Variants in MAPK10 observed in about 807,000 individuals in gnomAD.
MAPK10 encodes the protein mitogen-activated protein kinase 10, also known as JNK3 alpha protein kinase.
In MAPK10, 25 loss-of-function variants were observed where a neutral mutation model predicts 59.3. The observed-to-expected ratio is 0.42, with a 90% confidence interval of 0.31 to 0.59. The LOEUF (loss-of-function observed/expected upper bound fraction) is 0.59. Ranked by LOEUF, MAPK10 falls within the 20% of genes least tolerant of loss-of-function variation. The pLI, the probability that MAPK10 is intolerant of heterozygous loss-of-function variation, is 0.15. For synonymous variants in MAPK10, 190 were observed against 200.5 expected (o/e 0.95, Z 0.44); for missense variants, 351 against 568.9 (o/e 0.62, Z 3.90).
intron 2 of MAPK10, among the ~76,000 whole-genome samples, chr4:86,255,307 C>G (rs1036402663): frequency 6.6e-6 from 1 of 152,058 alleles, no homozygotes; most frequent in African/African-American, 2.4e-5. Context: ...ATGTATATCC[C>G]TGTGTCAATG....
At position 86,179,895 on chromosome 4, in the gene MAPK10, C is replaced by T. The variant is rs528756863; in HGVS notation, c.66+14441G>A. On this transcript the variant is annotated intron_variant, in intron 3 of 13. Coordinates refer to ENST00000641462, the MANE Select transcript of MAPK10 (RefSeq NM_138982.4). ...AAACTATAAAACTACTAGAAGAAGA[C>T]ATAGGGAATATGCTTTGGAACACTG... 9.0e-4 allele frequency among the ~76,000 whole-genome samples: 137 copies of T among 151,908 alleles called. 4 individuals are homozygous for T. In the South Asian group the frequency reaches 0.028, roughly 31 times the overall value.
rs547338147 is a variant in MAPK10 at position 86,018,012 on chromosome 4, C to T, written c.1253-642G>A. 5.3e-4 allele frequency among the ~76,000 whole-genome samples: 80 copies of T among 152,346 alleles called. 2 individuals are homozygous for T. Among genetic ancestry groups the T allele is most frequent in the African/African-American group, 1.6e-3 (65 of 41,588 alleles). ...CTGGGATTACAGGCGTGAGCCACCA[C>T]GCCCCGCGGGCATTTGCATTTTTTA... is the stretch of plus-strand genomic sequence containing the variant. On this transcript the variant is annotated intron_variant, in intron 13 of 13. Coordinates refer to ENST00000641462, the MANE Select transcript of MAPK10 (RefSeq NM_138982.4).
upstream of MAPK10, among the ~76,000 whole-genome samples, chr4:86,456,045 C>T (rs531785533): frequency 6.6e-6 from 1 of 152,286 alleles, no homozygotes; most frequent in East Asian, 1.9e-4. Flanking sequence ...AAATAACCTG[C>T]TCCTGTATGA....
At chr4:86,561,737 A>C (rs1473283046) in intron 1 of MAPK10, among the ~76,000 whole-genome samples, 1 of 152,224 alleles carries the variant, frequency 6.6e-6, no homozygotes, top group African/African-American at 2.4e-5. Context: ...TTATTTATTC[A>C]TTATAAAACA....
At chr4:86,415,150 A>C (rs899188053) in intron 1 of MAPK10, among the ~76,000 whole-genome samples, 14 of 151,868 alleles carry the variant, frequency 9.2e-5, no homozygotes, top group African/African-American at 3.1e-4. Context: ...AAAAAAAAAA[A>C]AAAAAACTTC....
At chr4:86,421,586 G>A (rs1207834589) in intron 1 of MAPK10, among the ~76,000 whole-genome samples, 1 of 152,156 alleles carries the variant, frequency 6.6e-6, no homozygotes, top group East Asian at 1.9e-4. Context: ...GCCAGCTCGA[G>A]AATGGGTGGC....
intron 1 of MAPK10, among the ~76,000 whole-genome samples, chr4:86,518,665 G>T (rs1756892738): frequency 6.7e-6 from 1 of 148,274 alleles, no homozygotes. Context: ...GCTTGGGTTT[G>T]GTTTGTTCTT....
chr4:86,101,531 A>G, intron 7 of MAPK10: 2 of 373,322 alleles, frequency 5.4e-6, no homozygotes, highest in African/African-American at 2.0e-5. Flanking sequence ...TTCAACATAT[A>G]TATCATTTCT....
At chr4:86,168,526 C>T (rs1184644698) in intron 3 of MAPK10, among the ~76,000 whole-genome samples, 3 of 152,244 alleles carry the variant, frequency 2.0e-5, no homozygotes, top group Non-Finnish European at 2.9e-5. Context: ...CCCGCCATTG[C>T]CCAGGCTTGC....
At chr4:86,118,077 T>G (rs978101932) in intron 4 of MAPK10, 1 of 152,186 alleles carries the variant, frequency 6.6e-6, no homozygotes, top group African/African-American at 2.4e-5. Flanking sequence ...TTTACAGCAT[T>G]TAATCTCTGC....
intron 2 of MAPK10, among the ~76,000 whole-genome samples, chr4:86,197,009 G>C (rs1237041434): frequency 6.6e-6 from 1 of 152,080 alleles, no homozygotes; most frequent in Non-Finnish European, 1.5e-5. Context: ...CTCCAGCATT[G>C]TTCTTTTTGC....
intron 3 of MAPK10, 160 bp downstream of exon 3, chr4:86,194,176 G>A: frequency 1.6e-6 from 1 of 625,970 alleles, no homozygotes; most frequent in Non-Finnish European, 2.8e-6. Flanking sequence ...GCTGGAGACT[G>A]GGGCTGTTTC....
At position 86,158,791 on chromosome 4, in the gene MAPK10, T is replaced by C. The variant is rs556675585; in HGVS notation, c.236+507A>G. ...AGAATTGTTACTAAGCAGCCCAGAA[T>C]CTTTCCATTTTGGAAACATGAGGCA... is the stretch of plus-strand genomic sequence containing the variant. On this transcript the variant is annotated intron_variant, in intron 4 of 13. Coordinates refer to ENST00000641462, the MANE Select transcript of MAPK10 (RefSeq NM_138982.4). Among the ~76,000 whole-genome samples, 15 of 152,076 alleles carry C rather than the reference T, an allele frequency of 9.9e-5. No individual in the cohort carries two copies. In the East Asian group the frequency reaches 1.9e-3, roughly 20 times the overall value.
In MAPK10 at chr4:86,147,152, T is replaced by C. The variant is rs537149235; in HGVS notation, c.236+12146A>G. On this transcript the variant is annotated intron_variant, in intron 4 of 13. Coordinates refer to ENST00000641462, the MANE Select transcript of MAPK10 (RefSeq NM_138982.4). Reference sequence around the variant, plus strand: ...GCCAGGCTGGAGTGCAGTAGCATGATCATGGCTCACTGCAACCTCCGCCTC... The same window carrying C: ...GCCAGGCTGGAGTGCAGTAGCATGACCATGGCTCACTGCAACCTCCGCCTC... Among the ~76,000 whole-genome samples, 20 of 152,212 alleles carry C rather than the reference T, an allele frequency of 1.3e-4. No individual in the cohort carries two copies. The South Asian group carries it at 1.5e-3, about 11-fold the overall frequency.
intron 2 of MAPK10, among the ~76,000 whole-genome samples, chr4:86,216,135 T>G (rs1242613053): frequency 1.3e-5 from 2 of 151,728 alleles, no homozygotes; most frequent in Non-Finnish European, 2.9e-5. Flanking sequence ...CCAAAAGAAT[T>G]GAAAGCAGGG....
intron 1 of MAPK10, among the ~76,000 whole-genome samples, chr4:86,492,785 T>A (rs1477265979): frequency 6.6e-6 from 1 of 152,216 alleles, no homozygotes; most frequent in African/African-American, 2.4e-5. Flanking sequence ...TAGGACTGTA[T>A]GTTTTGCTTT....
Position 86,360,019 on chromosome 4 carries a change from A to G in MAPK10, c.-483T>C. 1 of 985,858 alleles carries G rather than the reference A, an allele frequency of 1.0e-6. No homozygotes were observed. Among genetic ancestry groups the G allele is most frequent in the South Asian group, 4.7e-5 (1 of 21,286 alleles). The allele number at this position is 985,858 out of a possible 1,614,324, so 61.1% of individuals were successfully genotyped here. The stretch of plus-strand genomic sequence containing the variant: ...AATCACCCTCTTTCACTGCCTGGAA[A>G]CCATTGTGCAGCGTGATGCTGCCTG... On this transcript the variant is annotated 5_prime_UTR_variant, in exon 1 of 14. Transcript: ENST00000641462.
At chr4:86,090,662 CAT>C (rs773422902) in intron 9 of MAPK10, 28 of 151,972 alleles carry the variant, frequency 1.8e-4, no homozygotes, top group Non-Finnish European at 2.4e-4. Context: ...AAACGGAAAA[CAT>C]ATTTATTTTT....
intron 11 of MAPK10, among the ~76,000 whole-genome samples, chr4:86,046,853 T>TTCTA (rs2042589862): frequency 6.6e-6 from 1 of 152,002 alleles, no homozygotes; most frequent in African/African-American, 2.4e-5. Context: ...CCAGACAGTG[T>TTCTA]TCTAGGTAGT....
Sources: allele counts gnomAD v4.1 joint callset (sites outside exome capture counted in the v4.1 genomes callset), GRCh38; gene constraint gnomAD v4.1.1; transcripts MANE v1.5; gene names NCBI Gene and HGNC (gene_info 2026-07-23, HGNC 2026-07-21).